The following PHACTR2 variants were observed in gnomAD, a reference collection of about 807,000 sequenced individuals.
PHACTR2 encodes phosphatase and actin regulator 2.
PHACTR2 carries 30 observed loss-of-function variants against 76.0 expected under a neutral mutation model. The observed-to-expected ratio is 0.39, with a 90% CI of 0.30 to 0.54. The LOEUF (loss-of-function observed/expected upper bound fraction) is 0.54, where lower values mean the gene tolerates loss of function less well. Ranked by LOEUF, PHACTR2 falls within the 20% of genes least tolerant of loss-of-function variation. The pLI, the probability that PHACTR2 is intolerant of heterozygous loss-of-function variation, is 0.61. For missense variants in PHACTR2, 696 were observed against 781.1 expected (o/e 0.89, Z 1.30); for synonymous variants, 292 against 292.5 (o/e 1.00, Z 0.02).
chr6:143,616,701 G>A lies in PHACTR2; in HGVS notation c.13+8379G>A, dbSNP rs548551551. On this transcript the variant is annotated intron_variant, in intron 1 of 11. Transcript: ENST00000305766. This position sits in a 1 kb window ranked among gnomAD's most constrained non-coding sequence, Gnocchi z 4.9. ...AGTAATGAATAGACAAAATGCTTGG[G>A]GTTGTGATCAGTGCTGCTAAGTTAA... is the stretch of plus-strand genomic sequence containing the variant. 6.6e-6 allele frequency among the ~76,000 whole-genome samples: 1 copy of A among 152,162 alleles called. No homozygotes were observed. The highest frequency in any genetic ancestry group is 1.5e-5 in the Non-Finnish European group (1 of 68,038).
At position 143,592,786 on chromosome 6, in the gene PHACTR2, G is replaced by A. The variant is rs1315533722; in HGVS notation, c.217+55579G>A. Among the ~76,000 whole-genome samples, 4 of 152,042 alleles carry A rather than the reference G, an allele frequency of 2.6e-5. No individual in the cohort carries two copies. The highest frequency in any genetic ancestry group is 4.8e-5 in the African/African-American group (2 of 41,382). ...CCTTGGGCTGGGCACGGTGGCTCAA[G>A]CCTGTAATCCCAGCACTTTGGGAGG... On this transcript the variant is annotated intron_variant, in intron 1 of 11. Coordinates refer to the PHACTR2 transcript ENST00000367584. This position sits in a 1 kb window ranked among gnomAD's most constrained non-coding sequence, Gnocchi z 4.0.
rs1781131137 is a variant in PHACTR2, at chr6:143,537,718, A to AG, written c.217+512dup. 6.6e-6 allele frequency among the ~76,000 whole-genome samples: 1 copy of AG among 152,102 alleles called. No homozygotes were observed. Among genetic ancestry groups the AG allele is most frequent in the Non-Finnish European group, 1.5e-5 (1 of 68,024 alleles). On this transcript the variant is annotated intron_variant, in intron 1 of 11. Coordinates refer to the PHACTR2 transcript ENST00000367584. The surrounding 1 kb of genome is among the most constrained non-coding windows in gnomAD (Gnocchi z 4.4). ...TGCTGGTAAGAGGACCCGGGATATG[A>AG]GTTTTTCCTCCTTGCAAAAACCCAT...
At chr6:143,769,320 A>G (rs1775037290) in intron 6 of PHACTR2, among the ~76,000 whole-genome samples, 1 of 152,200 alleles carries the variant, frequency 6.6e-6, no homozygotes, top group Non-Finnish European at 1.5e-5. Flanking sequence ...ACAAACATGT[A>G]TAGAATGCAC....
intron 1 of PHACTR2, among the ~76,000 whole-genome samples, chr6:143,563,715 G>A (rs1357233929): frequency 6.6e-6 from 1 of 151,588 alleles, no homozygotes; most frequent in African/African-American, 2.4e-5. Context: ...ATTTATTCTG[G>A]CTGCGCACGG....
At chr6:143,552,169 G>A (rs939742650) in intron 1 of PHACTR2, among the ~76,000 whole-genome samples, 2 of 152,062 alleles carry the variant, frequency 1.3e-5, no homozygotes, top group African/African-American at 4.8e-5. Flanking sequence ...GTAGTCACCT[G>A]AAAATAGTGA....
chr6:143,756,678 G>A (rs75988291), intron 4 of PHACTR2, among the ~76,000 whole-genome samples: 1 of 142,152 alleles, frequency 7.0e-6, no homozygotes, highest in Non-Finnish European at 1.5e-5. Context: ...CAGCCTGGGC[G>A]ACAGAGCGAG....
At chr6:143,685,991 G>A (rs903946756) in intron 1 of PHACTR2, among the ~76,000 whole-genome samples, 2 of 152,040 alleles carry the variant, frequency 1.3e-5, no homozygotes, top group African/African-American at 2.4e-5. Context: ...AATTAGCCAG[G>A]TGTGGTGGCG....
intron 4 of PHACTR2, among the ~76,000 whole-genome samples, chr6:143,756,715 A>G (rs1779308473): frequency 7.2e-6 from 1 of 138,884 alleles, no homozygotes; most frequent in African/African-American, 2.6e-5. Flanking sequence ...AAAAAAAAAA[A>G]GAGCAGAAAA....
Position 143,678,324 on chromosome 6 carries a change from C to T in PHACTR2, c.46+115C>T, listed in dbSNP as rs1777300740. ...CGGGTTCCGCTCGGACCCGCCAAGT[C>T]CCTCGGAGAAACCCCAGAGGTAGCG... is the stretch of plus-strand genomic sequence containing the variant. On this transcript the variant is annotated intron_variant, in intron 1 of 12. Transcript: ENST00000440869. The surrounding 1 kb of genome is among the most constrained non-coding windows in gnomAD (Gnocchi z 6.2). The T allele has an allele frequency of 2.1e-6, 2 of 973,168 alleles. No individual in the cohort carries two copies. The highest frequency in any genetic ancestry group is 1.4e-6 in the Non-Finnish European group (1 of 710,902). The allele number at this position is 973,168 out of a possible 1,614,324, so 60.3% of individuals were successfully genotyped here. A position where few individuals can be genotyped will look rare whatever the true frequency, so the allele number is the denominator to read the frequency against.
chr6:143,745,071 A>T (rs961051718), intron 2 of PHACTR2, among the ~76,000 whole-genome samples: 1 of 152,232 alleles, frequency 6.6e-6, no homozygotes, highest in Admixed American at 6.5e-5. Context: ...CAGCTACGAC[A>T]TTCAGCGACC....
Position 143,793,868 on chromosome 6 carries a change from G to C in PHACTR2, c.1845+4958G>C, listed in dbSNP as rs1775770335. Among the ~76,000 whole-genome samples the C allele has an allele frequency of 6.6e-6, 1 of 152,076 alleles. No individual in the cohort carries two copies. ...GGAGCAGGAGGCTGCAGTGAGCCATGCCACGGCACTCCAGCCTGGGCAACA... is the reference window on the plus strand; with the variant it reads ...GGAGCAGGAGGCTGCAGTGAGCCATCCCACGGCACTCCAGCCTGGGCAACA... On this transcript the variant is annotated intron_variant, in intron 11 of 12. Coordinates refer to ENST00000440869, the MANE Select transcript of PHACTR2 (RefSeq NM_001100164.2). The surrounding 1 kb of genome is among the most constrained non-coding windows in gnomAD (Gnocchi z 4.4).
Position 143,546,881 on chromosome 6 carries a change from T to A in PHACTR2, c.217+9674T>A, listed in dbSNP as rs868294623. On this transcript the variant is annotated intron_variant, in intron 1 of 11. Transcript: ENST00000367584. The surrounding 1 kb of genome is among the most constrained non-coding windows in gnomAD (Gnocchi z 4.9). Reference sequence around the variant, plus strand: ...TCTCAAAAAAAAAAAAAATAAAAAATAAAAAATTAGCCAGGTGAACTGGTG... The same window carrying A: ...TCTCAAAAAAAAAAAAAATAAAAAAAAAAAAATTAGCCAGGTGAACTGGTG... Among the ~76,000 whole-genome samples, 11 of 149,206 alleles carry A rather than the reference T, an allele frequency of 7.4e-5. No homozygotes were observed. The Middle Eastern group carries it at 0.01, about 139-fold the overall frequency.
chr6:143,594,676 G>C (rs144200295), intron 1 of PHACTR2, among the ~76,000 whole-genome samples: 190 of 152,358 alleles, frequency 1.2e-3, no homozygotes, highest in African/African-American at 4.0e-3. Context: ...ATGGTCCAGG[G>C]AGCAAGCCCA....
At chr6:143,702,329 G>T (rs541975051) in intron 1 of PHACTR2, among the ~76,000 whole-genome samples, 1 of 152,068 alleles carries the variant, frequency 6.6e-6, no homozygotes, top group African/African-American at 2.4e-5. Flanking sequence ...GGATGGTCTC[G>T]ATCTCTTGAC....
At position 143,825,151 on chromosome 6, in the gene PHACTR2, A is replaced by G. The variant is rs947841188; in HGVS notation, c.*1462A>G. 6 of 152,646 alleles carry G rather than the reference A, an allele frequency of 3.9e-5. No homozygotes were observed. The highest frequency in any genetic ancestry group is 5.9e-5 in the Non-Finnish European group (4 of 68,040). 9.5% of individuals were successfully genotyped at this position (152,646 alleles called of 1,614,324 possible). Reference sequence around the variant, plus strand: ...TTTGTGCCCCTTTAATTAAAAACACATGAAATGAATAACAAAACAAGACCC... The same window carrying G: ...TTTGTGCCCCTTTAATTAAAAACACGTGAAATGAATAACAAAACAAGACCC... On this transcript the variant is annotated 3_prime_UTR_variant, in exon 13 of 13. Transcript: ENST00000440869. The surrounding 1 kb of genome is among the most constrained non-coding windows in gnomAD (Gnocchi z 4.1).
chr6:143,794,845 C>G lies in PHACTR2; in HGVS notation c.1845+5935C>G, dbSNP rs1267674691. 6.6e-6 allele frequency among the ~76,000 whole-genome samples: 1 copy of G among 152,158 alleles called. No individual in the cohort carries two copies. Among genetic ancestry groups the G allele is most frequent in the Non-Finnish European group, 1.5e-5 (1 of 68,022 alleles). On this transcript the variant is annotated intron_variant, in intron 11 of 12. Transcript: ENST00000440869. The surrounding 1 kb of genome is among the most constrained non-coding windows in gnomAD (Gnocchi z 4.1). ...AACAAACAAAAAATGAGCTTCCTTT[C>G]AGCCTAAAGGAGACATCTTTTTTCT... is the stretch of plus-strand genomic sequence containing the variant.
intron 1 of PHACTR2, among the ~76,000 whole-genome samples, chr6:143,567,556 G>A (rs372785926): frequency 8.7e-4 from 133 of 152,244 alleles, no homozygotes; most frequent in African/African-American, 2.9e-3. Flanking sequence ...ACGCCGCCGC[G>A]CCTGGTGAAT....
rs894884702 is a variant in PHACTR2 at position 143,772,169 on chromosome 6, A to G, written c.1233-89A>G. 5 of 883,464 alleles carry G rather than the reference A, an allele frequency of 5.7e-6. No homozygotes were observed. Among genetic ancestry groups the G allele is most frequent in the Non-Finnish European group, 9.5e-6 (5 of 526,990 alleles). 54.7% of individuals were successfully genotyped at this position (883,464 alleles called of 1,614,324 possible). On this transcript the variant is annotated intron_variant, in intron 6 of 12. Coordinates refer to ENST00000440869, the MANE Select transcript of PHACTR2 (RefSeq NM_001100164.2). The surrounding 1 kb of genome is among the most constrained non-coding windows in gnomAD (Gnocchi z 5.4). ...GCTTTCCTCAGCCTGAAGGAAGCCC[A>G]TGAAACTAGAGCTCTTTTTCTTAGT...
At chr6:143,677,668 T>C (rs1336902535), upstream of PHACTR2, among the ~76,000 whole-genome samples, 3 of 152,250 alleles carry the variant, frequency 2.0e-5, no homozygotes, top group Non-Finnish European at 4.4e-5. Context: ...AAATAACTTT[T>C]AAGAAACAAA....
Sources: allele counts gnomAD v4.1 joint callset (sites outside exome capture counted in the v4.1 genomes callset), GRCh38; gene constraint gnomAD v4.1.1; non-coding constraint Gnocchi (gnomAD v3.1); transcripts MANE v1.5; gene names NCBI Gene and HGNC (gene_info 2026-07-23, HGNC 2026-07-21).